NPAS3: variants seen among roughly 807,000 people sequenced by gnomAD.
NPAS3 encodes neuronal PAS domain-containing protein 3.
Under a neutral mutation model 73.1 loss-of-function variants are expected in NPAS3, and 14 were observed. That is an observed-to-expected ratio of 0.19 (90% CI 0.13 to 0.30). NPAS3 has a LOEUF of 0.30. NPAS3 is among the 10% of genes least tolerant of loss of function. The pLI is 1.00. For synonymous variants in NPAS3, 620 were observed against 541.5 expected, an observed-to-expected ratio of 1.14 and a Z score of -2.01; for missense variants, 1,096 against 1,250.0, an observed-to-expected ratio of 0.88 and a Z score of 1.86.
intron 5 of NPAS3, among the ~76,000 whole-genome samples, chr14:33,575,755 A>C (rs2056408629): frequency 6.6e-6 from 1 of 152,196 alleles, no homozygotes; most frequent in Non-Finnish European, 1.5e-5. Flanking sequence ...ATAAGATAGA[A>C]AACTGTTTAA....
intron 5 of NPAS3, among the ~76,000 whole-genome samples, chr14:33,604,267 G>A (rs2057487496): frequency 1.3e-5 from 2 of 151,872 alleles, no homozygotes; most frequent in Admixed American, 6.6e-5. Context: ...TGGCCTACAA[G>A]ACATATTTCA....
At chr14:33,765,862 G>A (rs1353543210) in intron 7 of NPAS3, among the ~76,000 whole-genome samples, 4 of 152,020 alleles carry the variant, frequency 2.6e-5, no homozygotes, top group Non-Finnish European at 2.9e-5. Context: ...GCTGTTATGC[G>A]GATTCCCAGG....
intron 3 of NPAS3, among the ~76,000 whole-genome samples, chr14:33,312,342 G>A (rs2043035877): frequency 6.6e-6 from 1 of 151,890 alleles, no homozygotes. Flanking sequence ...AATGAGACTT[G>A]CAGCTTTCTT....
At chr14:32,975,287 T>TCCTTCCCTCCCTCCCTC in intron 1 of NPAS3, among the ~76,000 whole-genome samples, 1 of 151,092 alleles carries the variant, frequency 6.6e-6, no homozygotes, top group Non-Finnish European at 1.5e-5. Flanking sequence ...GCCCTTCTAT[T>TCCTTCCCTCCCTCCCTC]CCTTCCCTCC....
intron 1 of NPAS3, among the ~76,000 whole-genome samples, chr14:32,957,801 T>C (rs2036740856): frequency 6.6e-6 from 1 of 152,222 alleles, no homozygotes; most frequent in Non-Finnish European, 1.5e-5. Flanking sequence ...CTTCTGTCTC[T>C]TAGTGTGGGG....
At chr14:33,353,700 G>A (rs1377175575) in intron 3 of NPAS3, among the ~76,000 whole-genome samples, 1 of 152,168 alleles carries the variant, frequency 6.6e-6, no homozygotes, top group African/African-American at 2.4e-5. Flanking sequence ...CTCTAGTAGT[G>A]GAGACTGGAG....
At chr14:33,035,477 A>C (rs2040135067) in intron 1 of NPAS3, among the ~76,000 whole-genome samples, 1 of 152,214 alleles carries the variant, frequency 6.6e-6, no homozygotes, top group Admixed American at 6.5e-5. Context: ...TTGTAAGCTC[A>C]GTCTTACACA....
At chr14:33,479,164 T>C (rs2051189977) in intron 4 of NPAS3, among the ~76,000 whole-genome samples, 1 of 152,218 alleles carries the variant, frequency 6.6e-6, no homozygotes, top group Non-Finnish European at 1.5e-5. Context: ...TGTGCTAAGG[T>C]ACCTCAGCTA....
At chr14:33,175,292 G>C (rs2045547037) in intron 2 of NPAS3, among the ~76,000 whole-genome samples, 1 of 152,118 alleles carries the variant, frequency 6.6e-6, no homozygotes, top group Non-Finnish European at 1.5e-5. Context: ...TACCTATTCT[G>C]TGGATTTTTA....
chr14:32,944,207 T>G (rs2036156008), intron 1 of NPAS3, among the ~76,000 whole-genome samples: 1 of 152,176 alleles, frequency 6.6e-6, no homozygotes. Flanking sequence ...AGGTAGCTCC[T>G]GCCACCTCCA....
At chr14:33,768,012 A>C (rs2062521139) in intron 7 of NPAS3, among the ~76,000 whole-genome samples, 1 of 152,236 alleles carries the variant, frequency 6.6e-6, no homozygotes, top group African/African-American at 2.4e-5. Context: ...CTCTGCGGAC[A>C]TGCATCTAAC....
chr14:33,202,777 G>A (rs1377339048), intron 2 of NPAS3, among the ~76,000 whole-genome samples: 1 of 151,106 alleles, frequency 6.6e-6, no homozygotes, highest in Non-Finnish European at 1.5e-5. Context: ...TGGTTCTGAA[G>A]TAATCATGGA....
intron 3 of NPAS3, among the ~76,000 whole-genome samples, chr14:33,265,355 C>T (rs2049129897): frequency 6.6e-6 from 1 of 152,192 alleles, no homozygotes. Context: ...ATAGTATTAA[C>T]TGCTCTGTAA....
chr14:33,057,811 G>A (rs913842818), intron 2 of NPAS3, among the ~76,000 whole-genome samples: 2 of 152,210 alleles, frequency 1.3e-5, no homozygotes, highest in Non-Finnish European at 2.9e-5. Context: ...TCCCCAAGAT[G>A]TTGAATTGGA....
chr14:33,776,449 G>GAGT (rs927051974), intron 8 of NPAS3, among the ~76,000 whole-genome samples: 2 of 134,640 alleles, frequency 1.5e-5, no homozygotes, highest in Admixed American at 8.3e-5. Context: ...CCATGGACCC[G>GAGT]AGTGCCTCAT....
intron 5 of NPAS3, among the ~76,000 whole-genome samples, chr14:33,601,710 T>C (rs2057403684): frequency 6.6e-6 from 1 of 152,226 alleles, no homozygotes. Context: ...ACTACAACTA[T>C]TTCTGGAAAG....
intron 4 of NPAS3, among the ~76,000 whole-genome samples, chr14:33,459,204 C>T (rs1272829528): frequency 2.6e-5 from 4 of 152,188 alleles, no homozygotes; most frequent in Non-Finnish European, 4.4e-5. Context: ...GGCTTCTTCA[C>T]TGACCTGTAT....
intron 6 of NPAS3, among the ~76,000 whole-genome samples, chr14:33,688,956 A>G (rs1361605488): frequency 1.3e-5 from 2 of 152,232 alleles, no homozygotes; most frequent in Non-Finnish European, 2.9e-5. Flanking sequence ...CACTGCCTAT[A>G]TTATAGACTT....
At chr14:33,420,449 C>G (rs1873595515) in intron 4 of NPAS3, among the ~76,000 whole-genome samples, 1 of 151,854 alleles carries the variant, frequency 6.6e-6, no homozygotes, top group Non-Finnish European at 1.5e-5. Context: ...TAAAGACAGT[C>G]TAACTGTATG....
Sources: allele counts gnomAD v4.1 joint callset (sites outside exome capture counted in the v4.1 genomes callset), GRCh38; gene constraint gnomAD v4.1.1; transcripts MANE v1.5; gene names NCBI Gene and HGNC (gene_info 2026-07-23, HGNC 2026-07-21).